Variants in CYB561 observed in about 807,000 individuals in gnomAD.
CYB561 encodes the protein transmembrane ascorbate-dependent reductase CYB561.
CYB561 carries 11 observed loss-of-function variants against 25.3 expected under a neutral mutation model. The observed-to-expected ratio is 0.44, with a 90% confidence interval of 0.27 to 0.72. The LOEUF (loss-of-function observed/expected upper bound fraction) is 0.72, where lower values mean the gene tolerates loss of function less well. CYB561 is among the 30% of genes least tolerant of loss of function. CYB561 has a pLI of 0.18. For synonymous variants in CYB561, 165 were observed against 158.8 expected (o/e 1.04, Z -0.29); for missense variants, 295 against 334.9 (o/e 0.88, Z 0.93).
In CYB561 at chr17:63,432,520, TAG is replaced by T. The variant is rs938913631; in HGVS notation, c.*1880_*1881del. The T allele has an allele frequency of 6.6e-6, 1 of 152,216 alleles. No individual in the cohort carries two copies. The highest frequency in any genetic ancestry group is 1.5e-5 in the Non-Finnish European group (1 of 68,036). The allele number at this position is 152,216 out of a possible 1,614,324, so 9.4% of individuals were successfully genotyped here. On this transcript the variant is annotated 3_prime_UTR_variant, in exon 6 of 6. Coordinates refer to ENST00000360793, the MANE Select transcript of CYB561 (RefSeq NM_001915.4). ...CCATTTCTCTCTGTAGCATTCCGGC[TAG>T]AGAGAGACACGATTGTACTTTGGTA...
Position 63,436,209 on chromosome 17 carries a change from C to T in CYB561, c.203-57G>A. On this transcript the variant is annotated intron_variant, in intron 2 of 5. Coordinates refer to ENST00000360793, the MANE Select transcript of CYB561 (RefSeq NM_001915.4). The surrounding 1 kb of genome is among the most constrained non-coding windows in gnomAD (Gnocchi z 4.8). ...ATCCGCCTGTGCGTGAGGCCTCCTG[C>T]CCCAGCAGCAAGGAGGCACCTTGGT... 1 of 1,584,640 alleles carries T rather than the reference C, an allele frequency of 6.3e-7. No homozygotes were observed. The highest frequency in any genetic ancestry group is 1.1e-5 in the South Asian group (1 of 88,954).
chr17:63,445,756 T>A (rs1194073975), intron 1 of CYB561: 1 of 152,194 alleles, frequency 6.6e-6, no homozygotes, highest in African/African-American at 2.4e-5. Context: ...GCTCAGAAGC[T>A]GGGGGCGTCG....
chr17:63,434,283 G>T lies in CYB561; in HGVS notation c.*119C>A. On this transcript the variant is annotated 3_prime_UTR_variant, in exon 6 of 6. Coordinates refer to ENST00000360793, the MANE Select transcript of CYB561 (RefSeq NM_001915.4). ...AGAAAGCAGCACTCAAACAGATGCAGCTGCACCCACGCGCCCGCCTGCTGC... is the reference window on the plus strand; with the variant it reads ...AGAAAGCAGCACTCAAACAGATGCATCTGCACCCACGCGCCCGCCTGCTGC... 1.2e-6 allele frequency: 1 copy of T among 864,390 alleles called. No individual in the cohort carries two copies. The highest frequency in any genetic ancestry group is 1.7e-6 in the Non-Finnish European group (1 of 574,876). 53.5% of individuals were successfully genotyped at this position (864,390 alleles called of 1,614,324 possible).
Position 63,436,185 on chromosome 17 carries a change from T to C in CYB561, c.203-33A>G. The C allele has an allele frequency of 1.2e-6, 2 of 1,606,054 alleles. No individual in the cohort carries two copies. The highest frequency in any genetic ancestry group is 1.7e-6 in the Non-Finnish European group (2 of 1,173,766). On this transcript the variant is annotated intron_variant, in intron 2 of 5. Coordinates refer to ENST00000360793, the MANE Select transcript of CYB561 (RefSeq NM_001915.4). This position sits in a 1 kb window ranked among gnomAD's most constrained non-coding sequence, Gnocchi z 4.8. Reference sequence around the variant, plus strand: ...AGGTGAGAGAGGGAACGTGAGTGCATCCGCCTGTGCGTGAGGCCTCCTGCC... The same window carrying C: ...AGGTGAGAGAGGGAACGTGAGTGCACCCGCCTGTGCGTGAGGCCTCCTGCC...
At chr17:63,438,168 A>G in intron 1 of CYB561, 1 of 1,535,494 alleles carries the variant, frequency 6.5e-7, no homozygotes, top group Non-Finnish European at 8.7e-7. Context: ...GGTGCAAGGA[A>G]AGATACCCCA....
chr17:63,438,330 C>A (rs893875718), intron 1 of CYB561: 6 of 845,554 alleles, frequency 7.1e-6, no homozygotes, highest in African/African-American at 1.7e-5. Context: ...TCTCCAGACG[C>A]GTCATGAAGT....
In CYB561 at chr17:63,437,430, C is replaced by T. The variant is rs1379734374; in HGVS notation, c.118G>A (p.Gly40Ser). The change falls in exon 2 of 6, where the codon GGC (glycine) becomes AGC (serine). Residue 40 changes from glycine to serine, a missense_variant. By Grantham distance (56) the Gly-to-Ser change is moderately conservative. Transcript: ENST00000360793. ...MTGAWLGLYR[G>S]GIAWESDLQF... is the part of the protein sequence containing the mutation. ...AGGTCGCTCTCCCAGGCAATGCCGC[C>T]TCGGTACAGCCCGAGCCACGCGCCG... is the stretch of plus-strand genomic sequence containing the variant. The T allele has an allele frequency of 6.2e-7, 1 of 1,614,072 alleles. No individual in the cohort carries two copies. Among genetic ancestry groups the T allele is most frequent in the East Asian group, 2.2e-5 (1 of 44,882 alleles).
chr17:63,435,386 G>A (rs766271013), intron 4 of CYB561, 143 bp from the exon 5 acceptor site: 1 of 876,046 alleles, frequency 1.1e-6, no homozygotes, highest in Non-Finnish European at 1.8e-6. Context: ...CAGCACAGTG[G>A]TGGGAGGAGC....
Position 63,433,119 on chromosome 17 carries a change from A to G in CYB561, c.*1283T>C, listed in dbSNP as rs953740313. ...GCAATCTCAGCTCACTGCAAGCGCC[A>G]TCTCCCGGGTTCACACCATTCTCCT... On this transcript the variant is annotated 3_prime_UTR_variant, in exon 6 of 6. Coordinates refer to ENST00000360793, the MANE Select transcript of CYB561 (RefSeq NM_001915.4). 9 of 331,024 alleles carry G rather than the reference A, an allele frequency of 2.7e-5. No individual in the cohort carries two copies. Among genetic ancestry groups the G allele is most frequent in the East Asian group, 4.7e-5 (1 of 21,402 alleles). 20.5% of individuals were successfully genotyped at this position (331,024 alleles called of 1,614,324 possible).
rs779395351 is a variant in CYB561, at chr17:63,434,525, G to A, written c.633C>T (p.Phe211=). The A allele has an allele frequency of 9.9e-6, 16 of 1,613,508 alleles. No individual in the cohort carries two copies. Among genetic ancestry groups the A allele is most frequent in the South Asian group, 4.4e-5 (4 of 91,058 alleles). ...TCAAGATGTAGAGCACCGCCCCACC[G>A]AAGCAGGCCAGCAGCAGGCCCAGCA... The part of the protein sequence containing the change: ...ANVLGLLLAC[F]GGAVLYILTR... Residue 211 remains phenylalanine (F), a synonymous_variant, in exon 6 of 6, where the codon TTC becomes TTT. Coordinates refer to ENST00000360793, the MANE Select transcript of CYB561 (RefSeq NM_001915.4).
chr17:63,438,351 A>G, intron 1 of CYB561: 1 of 709,410 alleles, frequency 1.4e-6, no homozygotes, highest in Non-Finnish European at 2.3e-6. Context: ...ACATCTCGGG[A>G]GAAATGGGAA....
rs2049320650 is a variant in CYB561 at position 63,437,640 on chromosome 17, C to G, written c.-13-80G>C. 4 of 1,092,396 alleles carry G rather than the reference C, an allele frequency of 3.7e-6. No individual in the cohort carries two copies. In the South Asian group the frequency reaches 7.3e-5, roughly 20 times the overall value. The allele number at this position is 1,092,396 out of a possible 1,614,324, so 67.7% of individuals were successfully genotyped here. A position where few individuals can be genotyped will look rare whatever the true frequency, so the allele number is the denominator to read the frequency against. ...CAGCCCCCGCGGATGCACACAGCCC[C>G]CCAAGATGCGCACAGGCCCCCCGAG... On this transcript the variant is annotated intron_variant, in intron 1 of 5. Coordinates refer to ENST00000360793, the MANE Select transcript of CYB561 (RefSeq NM_001915.4).
In CYB561 at chr17:63,436,416, A is replaced by G. The variant is rs780601121; in HGVS notation, c.203-264T>C. The G allele has an allele frequency of 6.6e-5, 28 of 425,396 alleles. No homozygotes were observed. The highest frequency in any genetic ancestry group is 1.1e-4 in the Non-Finnish European group (25 of 232,310). The allele number at this position is 425,396 out of a possible 1,614,324, so 26.4% of individuals were successfully genotyped here. On this transcript the variant is annotated intron_variant, in intron 2 of 5. Coordinates refer to ENST00000360793, the MANE Select transcript of CYB561 (RefSeq NM_001915.4). This position sits in a 1 kb window ranked among gnomAD's most constrained non-coding sequence, Gnocchi z 4.8. ...TCCCCCAGCTGTGCACAAAGAGGGC[A>G]GGGCCGGAGGCTGCACCACAGTCCC...
chr17:63,434,430 G>C lies in CYB561; in HGVS notation c.728C>G (p.Thr243Arg). The stretch of plus-strand genomic sequence containing the variant: ...CTGGGAGCCGGGGCTATCTCCCTCC[G>C]TCAGCGTCTTGAAGTCCATGGAGAG... ...QALSMDFKTL[T>R]EGDSPGSQ Residue 243 changes from threonine to arginine, a missense_variant, in exon 6 of 6, where the codon ACG (threonine) becomes AGG (arginine). Coordinates refer to ENST00000360793, the MANE Select transcript of CYB561 (RefSeq NM_001915.4). 6.3e-7 allele frequency: 1 copy of C among 1,587,250 alleles called. No individual in the cohort carries two copies. Among genetic ancestry groups the C allele is most frequent in the Non-Finnish European group, 8.6e-7 (1 of 1,166,504 alleles).
At chr17:63,438,141 G>A (rs1226790482) in intron 1 of CYB561, 4 of 1,535,350 alleles carry the variant, frequency 2.6e-6, no homozygotes, top group Middle Eastern at 3.3e-4. Context: ...GACGCCAGGA[G>A]TTCCATATGC....
chr17:63,435,238 C>T lies in CYB561; in HGVS notation c.411G>A (p.Leu137=). The change falls in exon 5 of 6, where the codon CTG becomes CTA. Residue 137 remains leucine (L), a synonymous_variant. Coordinates refer to ENST00000360793, the MANE Select transcript of CYB561 (RefSeq NM_001915.4). ...LVFVLYFVQW[L]VGFSFFLFPG... is the part of the protein sequence containing the mutation. The stretch of plus-strand genomic sequence containing the variant: ...GGAACAGGAAGAAGCTGAAGCCCAC[C>T]AGCCACTAGGATTTGAAAGGAGACG... The T allele has an allele frequency of 6.2e-7, 1 of 1,613,596 alleles. No individual in the cohort carries two copies. Among genetic ancestry groups the T allele is most frequent in the Middle Eastern group, 1.7e-4 (1 of 6,054 alleles).
intron 1 of CYB561, among the ~76,000 whole-genome samples, chr17:63,444,940 C>T (rs1340736117): frequency 6.6e-6 from 1 of 152,168 alleles, no homozygotes; most frequent in Non-Finnish European, 1.5e-5. Context: ...CTTTGGGATG[C>T]CAAGGCGGGC....
chr17:63,436,389 C>A lies in CYB561; in HGVS notation c.203-237G>T. ...TTAACACCCCTCCCCCACCCTCCAA[C>A]CTCCCCCAGCTGTGCACAAAGAGGG... On this transcript the variant is annotated intron_variant, in intron 2 of 5. Coordinates refer to ENST00000360793, the MANE Select transcript of CYB561 (RefSeq NM_001915.4). The surrounding 1 kb of genome is among the most constrained non-coding windows in gnomAD (Gnocchi z 4.8). 1 of 493,038 alleles carries A rather than the reference C, an allele frequency of 2.0e-6. No individual in the cohort carries two copies. The highest frequency in any genetic ancestry group is 3.7e-5 in the East Asian group (1 of 27,114). 30.5% of individuals were successfully genotyped at this position (493,038 alleles called of 1,614,324 possible).
intron 1 of CYB561, among the ~76,000 whole-genome samples, chr17:63,444,645 C>T (rs572860663): frequency 1.3e-5 from 2 of 152,206 alleles, no homozygotes; most frequent in South Asian, 4.1e-4. Context: ...CAAGCAGAAG[C>T]TCCTGGGGCT....
Sources: allele counts gnomAD v4.1 joint callset (sites outside exome capture counted in the v4.1 genomes callset), GRCh38; gene constraint gnomAD v4.1.1; non-coding constraint Gnocchi (gnomAD v3.1); transcripts MANE v1.5; gene names NCBI Gene and HGNC (gene_info 2026-07-23, HGNC 2026-07-21).